The following TTC28 variants were observed in gnomAD, a reference collection of about 807,000 sequenced individuals.
The protein encoded by TTC28 is tetratricopeptide repeat domain 28, also known as tetratricopeptide repeat protein 28.
In TTC28, 61 loss-of-function variants were observed where a neutral mutation model predicts 198.0. The ratio of observed to expected loss-of-function variants is 0.31; its 90% CI spans 0.25 to 0.38. The LOEUF (loss-of-function observed/expected upper bound fraction) is 0.38, where lower values mean the gene tolerates loss of function less well. TTC28 is among the 10% of genes least tolerant of loss of function. TTC28 has a pLI of 1.00. For synonymous variants in TTC28, 1,171 were observed against 1,297.8 expected (o/e 0.90, Z 2.10); for missense variants, 2,678 against 3,164.0 (o/e 0.85, Z 3.69).
At chr22:28,354,050 T>G (rs572821067) in intron 2 of TTC28, among the ~76,000 whole-genome samples, 1 of 152,154 alleles carries the variant, frequency 6.6e-6, no homozygotes, top group Non-Finnish European at 1.5e-5. Flanking sequence ...GGTGAGAATG[T>G]AGAGAAATTG....
intron 6 of TTC28, among the ~76,000 whole-genome samples, chr22:28,140,988 ATAAT>A (rs1183782635): frequency 2.0e-5 from 3 of 149,982 alleles, no homozygotes; most frequent in Non-Finnish European, 4.4e-5. Context: ...AGGAAGAGTG[ATAAT>A]TAATATCAAA....
chr22:28,087,379 T>G (rs1941646775), intron 12 of TTC28, among the ~76,000 whole-genome samples: 1 of 152,122 alleles, frequency 6.6e-6, no homozygotes, highest in Non-Finnish European at 1.5e-5. Context: ...ATAAATGTAA[T>G]CCAGTATATA....
At chr22:28,420,710 G>A (rs1237716203) in intron 2 of TTC28, among the ~76,000 whole-genome samples, 1 of 151,752 alleles carries the variant, frequency 6.6e-6, no homozygotes, top group Non-Finnish European at 1.5e-5. Flanking sequence ...AGTGATTCTC[G>A]TGCCTCTGCC....
intron 2 of TTC28, among the ~76,000 whole-genome samples, chr22:28,322,820 T>C (rs1360897540): frequency 2.0e-5 from 3 of 152,214 alleles, no homozygotes; most frequent in Admixed American, 6.5e-5. Context: ...AAGGCATCCA[T>C]AGGGCTGTTT....
At chr22:27,985,015 C>G (rs1937162462) in intron 22 of TTC28, among the ~76,000 whole-genome samples, 1 of 152,234 alleles carries the variant, frequency 6.6e-6, no homozygotes, top group African/African-American at 2.4e-5. Flanking sequence ...CCTCTCACTT[C>G]CAGTCCCTTG....
At chr22:28,438,777 T>C (rs1439151877) in intron 2 of TTC28, among the ~76,000 whole-genome samples, 1 of 152,216 alleles carries the variant, frequency 6.6e-6, no homozygotes, top group Non-Finnish European at 1.5e-5. Context: ...ATGTGATGCA[T>C]GATGTAGTCT....
chr22:27,982,079 A>T lies in TTC28; in HGVS notation c.*142T>A. The stretch of plus-strand genomic sequence containing the variant: ...CACCAGTGTGTGTGGCAGCCTTTGG[A>T]CGTGGTGGTGCCCCTCGCCTGCAGA... On this transcript the variant is annotated 3_prime_UTR_variant, in exon 23 of 23. Transcript: ENST00000397906. The surrounding 1 kb of genome is among the most constrained non-coding windows in gnomAD (Gnocchi z 5.2). 1.2e-6 allele frequency: 1 copy of T among 837,426 alleles called. No individual in the cohort carries two copies. The highest frequency in any genetic ancestry group is 1.8e-6 in the Non-Finnish European group (1 of 570,250). The allele number at this position is 837,426 out of a possible 1,614,324, so 51.9% of individuals were successfully genotyped here.
At chr22:28,230,985 T>TAATA (rs897424085) in intron 5 of TTC28, among the ~76,000 whole-genome samples, 2 of 152,206 alleles carry the variant, frequency 1.3e-5, no homozygotes, top group African/African-American at 4.8e-5. Context: ...GTATGAATTA[T>TAATA]AATAAATACT....
At chr22:28,546,735 AATAG>A (rs2049550624) in intron 2 of TTC28, among the ~76,000 whole-genome samples, 2 of 152,336 alleles carry the variant, frequency 1.3e-5, no homozygotes, top group East Asian at 3.9e-4. Flanking sequence ...TCAACAAGTA[AATAG>A]ATAAATAAAT....
At chr22:28,456,073 C>T (rs1380932167) in intron 2 of TTC28, among the ~76,000 whole-genome samples, 4 of 151,272 alleles carry the variant, frequency 2.6e-5, no homozygotes, top group African/African-American at 9.7e-5. Context: ...GCAGGAGAAT[C>T]ACTCGAACCT....
At chr22:28,491,462 C>T (rs1004876958) in intron 2 of TTC28, among the ~76,000 whole-genome samples, 1 of 152,172 alleles carries the variant, frequency 6.6e-6, no homozygotes, top group African/African-American at 2.4e-5. Flanking sequence ...TATGAACAGA[C>T]ACTTCTCAAA....
At chr22:28,506,322 C>T (rs1010268466) in intron 2 of TTC28, among the ~76,000 whole-genome samples, 4 of 151,936 alleles carry the variant, frequency 2.6e-5, no homozygotes, top group African/African-American at 9.7e-5. Context: ...TAATTGCGAC[C>T]CTGACCCATT....
intron 5 of TTC28, among the ~76,000 whole-genome samples, chr22:28,254,364 G>C (rs1234227107): frequency 6.6e-6 from 1 of 152,062 alleles, no homozygotes; most frequent in Non-Finnish European, 1.5e-5. Flanking sequence ...AACATTCAGT[G>C]AGTGGATATA....
intron 2 of TTC28, among the ~76,000 whole-genome samples, chr22:28,605,805 A>G (rs1183874403): frequency 6.6e-6 from 1 of 152,228 alleles, no homozygotes; most frequent in Non-Finnish European, 1.5e-5. Flanking sequence ...CTAACATTTA[A>G]AAAGTATCCC....
chr22:28,007,202 T>A (rs1422295998), intron 14 of TTC28: 1 of 152,158 alleles, frequency 6.6e-6, no homozygotes, highest in East Asian at 1.9e-4. Flanking sequence ...CTGATATTTT[T>A]GATGGAATAA....
intron 12 of TTC28, among the ~76,000 whole-genome samples, chr22:28,064,393 G>C (rs1940673797): frequency 6.6e-6 from 1 of 152,082 alleles, no homozygotes; most frequent in South Asian, 2.1e-4. Flanking sequence ...CTCTGATTCT[G>C]TGTTTCCAAG....
At chr22:28,484,722 A>G (rs914364844) in intron 2 of TTC28, among the ~76,000 whole-genome samples, 5 of 152,212 alleles carry the variant, frequency 3.3e-5, no homozygotes, top group African/African-American at 1.2e-4. Context: ...AAAAGAACCT[A>G]GAATGACAAA....
chr22:28,121,836 G>C (rs1387521704), intron 6 of TTC28, among the ~76,000 whole-genome samples: 1 of 152,016 alleles, frequency 6.6e-6, no homozygotes, highest in African/African-American at 2.4e-5. Context: ...GAACTTTTTT[G>C]GGATTTTAGG....
intron 2 of TTC28, among the ~76,000 whole-genome samples, chr22:28,373,693 G>A (rs180681022): frequency 1.3e-3 from 194 of 152,206 alleles, no homozygotes; most frequent in African/African-American, 4.4e-3. Flanking sequence ...ATAACTATAC[G>A]AAGTTTACAG....
Sources: gnomAD v4.1 joint callset for allele counts (sites outside exome capture counted in the v4.1 genomes callset) on GRCh38, gnomAD v4.1.1 for gene constraint, Gnocchi (gnomAD v3.1) non-coding constraint, MANE v1.5 for transcripts, NCBI Gene and HGNC (gene_info 2026-07-23, HGNC 2026-07-21) for gene names.